HIVEP1: variants seen among roughly 807,000 people sequenced by gnomAD.
The protein encoded by HIVEP1 is HIVEP zinc finger 1.
Under a neutral mutation model 180.0 loss-of-function variants are expected in HIVEP1, and 36 were observed. The observed-to-expected ratio is 0.20, with a 90% CI of 0.15 to 0.26. HIVEP1 has a LOEUF of 0.26. Ranked by LOEUF, HIVEP1 falls within the 10% of genes least tolerant of loss-of-function variation. The pLI, the probability that HIVEP1 is intolerant of heterozygous loss-of-function variation, is 1.00. For missense variants in HIVEP1, 3,143 were observed against 3,268.7 expected (o/e 0.96, Z 0.94); for synonymous variants, 1,239 against 1,239.0 (o/e 1.00, Z 0.00).
At chr6:12,129,456 T>TA (rs933020966) in intron 4 of HIVEP1, 1 of 398,638 alleles carries the variant, frequency 2.5e-6, no homozygotes, top group Non-Finnish European at 4.7e-6. Context: ...TTTAGTCTAC[T>TA]AAAAAAAGTT....
intron 2 of HIVEP1, among the ~76,000 whole-genome samples, chr6:12,042,765 C>T (rs1769859386): frequency 6.6e-6 from 1 of 151,954 alleles, no homozygotes; most frequent in African/African-American, 2.4e-5. Flanking sequence ...TTTTAAAAAA[C>T]TTTCATATAT....
At chr6:12,129,704 A>C in intron 4 of HIVEP1, 55 bp from the exon 5 acceptor site, 44 of 1,321,750 alleles carry the variant, frequency 3.3e-5, no homozygotes, top group Non-Finnish European at 4.4e-5. Flanking sequence ...GTGAAAGATT[A>C]GCATGCTTGT....
chr6:12,149,773 A>T (rs1328240012), intron 7 of HIVEP1, among the ~76,000 whole-genome samples: 2 of 152,170 alleles, frequency 1.3e-5, no homozygotes, highest in African/African-American at 2.4e-5. Flanking sequence ...CAACCACACC[A>T]TACCCAGGTT....
the HIVEP1 span, among the ~76,000 whole-genome samples, chr6:12,188,473 G>A: frequency 3.6e-4 from 55 of 152,082 alleles, 1 homozygote; most frequent in Middle Eastern, 3.2e-3. Context: ...AAAGGAAGAA[G>A]CAACTATATT....
chr6:12,033,850 C>T (rs903866274), intron 2 of HIVEP1, among the ~76,000 whole-genome samples: 3 of 152,188 alleles, frequency 2.0e-5, no homozygotes, highest in Non-Finnish European at 4.4e-5. Flanking sequence ...ATAGTGTGTT[C>T]CTCAAGAGTA....
chr6:12,161,404 C>A, intron 7 of HIVEP1, 35 bp from the exon 8 acceptor site: 2 of 1,573,668 alleles, frequency 1.3e-6, no homozygotes, highest in Non-Finnish European at 1.7e-6. Flanking sequence ...ACTTGGAAAG[C>A]ATTCCATCAC....
intron 2 of HIVEP1, among the ~76,000 whole-genome samples, chr6:12,051,394 T>G (rs1293331831): frequency 2.0e-5 from 3 of 152,156 alleles, no homozygotes; most frequent in African/African-American, 7.2e-5. Flanking sequence ...AATATTTACA[T>G]GACTCCAAAG....
intron 3 of HIVEP1, among the ~76,000 whole-genome samples, chr6:12,108,284 T>A (rs1287556933): frequency 2.6e-5 from 4 of 152,198 alleles, no homozygotes; most frequent in Admixed American, 6.5e-5. Flanking sequence ...GACATAAAGA[T>A]TCTCCGCGTC....
At chr6:12,048,614 A>G (rs777706738) in intron 2 of HIVEP1, among the ~76,000 whole-genome samples, 1 of 152,248 alleles carries the variant, frequency 6.6e-6, no homozygotes, top group African/African-American at 2.4e-5. Context: ...TGAAAATTCA[A>G]CATTTAAGGG....
chr6:12,131,277 A>G (rs919453249), intron 6 of HIVEP1, among the ~76,000 whole-genome samples: 17 of 152,110 alleles, frequency 1.1e-4, no homozygotes, highest in Admixed American at 5.2e-4. Context: ...GCTGAAGAAT[A>G]AAAAGAAATT....
downstream of HIVEP1, among the ~76,000 whole-genome samples, chr6:12,166,109 C>T (rs1010311054): frequency 2.0e-5 from 3 of 152,140 alleles, no homozygotes; most frequent in Non-Finnish European, 2.9e-5. Flanking sequence ...CTAGGGATTG[C>T]GTTGCCCTAT....
intron 2 of HIVEP1, among the ~76,000 whole-genome samples, chr6:12,049,998 A>G (rs6934047): frequency 0.64 from 96,987 of 151,940 alleles, 31,710 homozygotes; most frequent in East Asian, 0.81. Context: ...TCTGGAGCAT[A>G]TATATCCGGA....
chr6:12,013,090 G>A (rs1317928090), intron 1 of HIVEP1, among the ~76,000 whole-genome samples: 2 of 152,094 alleles, frequency 1.3e-5, no homozygotes, highest in African/African-American at 4.8e-5. Flanking sequence ...GGGAGGGGGC[G>A]GCGGCGGAGC....
intron 2 of HIVEP1, among the ~76,000 whole-genome samples, chr6:12,078,509 G>A (rs1313694636): frequency 2.6e-5 from 4 of 151,642 alleles, no homozygotes; most frequent in African/African-American, 4.8e-5. Flanking sequence ...GGAGCGGCTC[G>A]GATTTGGAGA....
chr6:12,074,118 T>C (rs141084753), intron 2 of HIVEP1, among the ~76,000 whole-genome samples: 5 of 152,310 alleles, frequency 3.3e-5, no homozygotes, highest in African/African-American at 1.2e-4. Flanking sequence ...TTTATTTGAT[T>C]AAAATATTTT....
chr6:12,189,512 T>C, the HIVEP1 span, among the ~76,000 whole-genome samples: 4 of 152,134 alleles, frequency 2.6e-5, no homozygotes, highest in African/African-American at 7.2e-5. Context: ...GTGAATGAAT[T>C]TGGCATCTTT....
chr6:12,096,771 C>T (rs1290113582), intron 3 of HIVEP1, among the ~76,000 whole-genome samples: 1 of 151,880 alleles, frequency 6.6e-6, no homozygotes, highest in African/African-American at 2.4e-5. Context: ...TAAGAAAATA[C>T]AAGGACATAT....
At position 12,124,958 on chromosome 6, in the gene HIVEP1, A is replaced by T; in HGVS notation, c.5163A>T (p.Glu1721Asp). The T allele has an allele frequency of 6.2e-7, 1 of 1,614,114 alleles. No homozygotes were observed. Among genetic ancestry groups the T allele is most frequent in the Non-Finnish European group, 8.5e-7 (1 of 1,180,018 alleles). The change falls in exon 4 of 9, where the codon GAA becomes GAT. Residue 1721 changes from glutamate to aspartate, a missense_variant. Physicochemically the swap from Glu to Asp is conservative, Grantham distance 45. Coordinates refer to ENST00000379388, the MANE Select transcript of HIVEP1 (RefSeq NM_002114.4). ...TGAGCCAAAATTCTTCTCTATCAGAATCCTTGCCCATAACTCAGAAAATAT... is the reference window on the plus strand; with the variant it reads ...TGAGCCAAAATTCTTCTCTATCAGATTCCTTGCCCATAACTCAGAAAATAT... ...SEMSQNSSLS[E>D]SLPITQKISV...
At chr6:12,057,929 A>G (rs1294899342) in intron 2 of HIVEP1, among the ~76,000 whole-genome samples, 2 of 152,324 alleles carry the variant, frequency 1.3e-5, no homozygotes, top group African/African-American at 2.4e-5. Context: ...GTTTGCACTC[A>G]TTAAAGATTA....
Sources: allele counts gnomAD v4.1 joint callset (sites outside exome capture counted in the v4.1 genomes callset), GRCh38; gene constraint gnomAD v4.1.1; transcripts MANE v1.5; gene names NCBI Gene and HGNC (gene_info 2026-07-23, HGNC 2026-07-21).